The following TRAPPC3 variants were observed in gnomAD, a reference collection of about 807,000 sequenced individuals.
TRAPPC3 encodes trafficking protein particle complex 3.
A neutral mutation model predicts 18.2 loss-of-function variants in TRAPPC3; 5 were observed. The observed-to-expected ratio is 0.28, with a 90% CI of 0.14 to 0.58. The LOEUF (loss-of-function observed/expected upper bound fraction) is 0.58, where lower values mean the gene tolerates loss of function less well. Ranked by LOEUF, TRAPPC3 falls within the 20% of genes least tolerant of loss-of-function variation. The probability of loss-of-function intolerance (pLI) is 0.91; values close to 1 mark genes in which losing one functional copy is unlikely to be tolerated. For missense variants in TRAPPC3, 176 were observed against 225.9 expected (o/e 0.78, Z 1.41); for synonymous variants, 65 against 84.2 (o/e 0.77, Z 1.25).
At chr1:36,149,177 A>T in intron 1 of TRAPPC3, 160 bp downstream of exon 1, 1 of 1,484,328 alleles carries the variant, frequency 6.7e-7, no homozygotes, top group Non-Finnish European at 9.0e-7. Context: ...CGGTCCCCTC[A>T]CCTGCCTGGA....
At chr1:36,152,286 TTTC>T (rs1376958961), upstream of TRAPPC3, among the ~76,000 whole-genome samples, 1 of 143,670 alleles carries the variant, frequency 7.0e-6, no homozygotes, top group Non-Finnish European at 1.5e-5. Context: ...TGGAAACATA[TTTC>T]TTTTTCTTTT....
chr1:36,144,857 A>T (rs925169755), intron 1 of TRAPPC3, among the ~76,000 whole-genome samples: 9 of 152,340 alleles, frequency 5.9e-5, no homozygotes, highest in African/African-American at 2.2e-4. Flanking sequence ...CAGGATTTAT[A>T]GCAGCTATGC....
In TRAPPC3 at chr1:36,149,107, C is replaced by T. The variant is rs60587914; in HGVS notation, c.42+230G>A. On this transcript the variant is annotated intron_variant, in intron 1 of 4. Coordinates refer to ENST00000373166, the MANE Select transcript of TRAPPC3 (RefSeq NM_014408.5). ...TATTTATTACCGTCGTTGTTGTTGG[C>T]TTAGCACAGAGCTGCACTCAGGCCT... 36,748 of 1,426,376 alleles carry T rather than the reference C, an allele frequency of 0.026. 3,437 individuals are homozygous for T. The East Asian group carries it at 0.31, about 12-fold the overall frequency. 88.4% of individuals were successfully genotyped at this position (1,426,376 alleles called of 1,614,324 possible).
At chr1:36,149,177 A>C (rs1570105529) in intron 1 of TRAPPC3, 160 bp downstream of exon 1, 1 of 1,484,328 alleles carries the variant, frequency 6.7e-7, no homozygotes, top group Non-Finnish European at 9.0e-7. Flanking sequence ...CGGTCCCCTC[A>C]CCTGCCTGGA....
At position 36,138,013 on chromosome 1, in the gene TRAPPC3, A is replaced by G. The variant is rs998864245; in HGVS notation, c.241-35T>C. On this transcript the variant is annotated intron_variant, in intron 3 of 4. Coordinates refer to ENST00000373166, the MANE Select transcript of TRAPPC3 (RefSeq NM_014408.5). ...GACACACAACAGCACTTTGGGGAAG[A>G]GCAGCAGGAACTGTACCACAGGGAA... The G allele has an allele frequency of 1.9e-6, 3 of 1,611,058 alleles. No homozygotes were observed. In the African/African-American group the frequency reaches 4.0e-5, roughly 22 times the overall value.
At chr1:36,144,074 G>A (rs561586295) in intron 1 of TRAPPC3, among the ~76,000 whole-genome samples, 2 of 151,650 alleles carry the variant, frequency 1.3e-5, no homozygotes, top group Admixed American at 1.3e-4. Context: ...GATCACCTGA[G>A]GTCAGGAGTT....
At chr1:36,149,568 A>C, upstream of TRAPPC3, 1 of 659,374 alleles carries the variant, frequency 1.5e-6, no homozygotes, top group Non-Finnish European at 2.7e-6. Flanking sequence ...CGCCCAACAA[A>C]CGTCAGACTA....
chr1:36,154,950 C>T (rs890008292), intron 1 of TRAPPC3, among the ~76,000 whole-genome samples: 1 of 152,158 alleles, frequency 6.6e-6, no homozygotes, highest in East Asian at 1.9e-4. Context: ...GATACGCACA[C>T]ATCCCAGGAC....
upstream of TRAPPC3, among the ~76,000 whole-genome samples, chr1:36,152,011 C>G (rs1175792441): frequency 6.6e-6 from 1 of 151,608 alleles, no homozygotes; most frequent in African/African-American, 2.4e-5. Context: ...TCCCTTGAGG[C>G]TGGGGCAGTG....
chr1:36,139,599 A>G, intron 3 of TRAPPC3, 121 bp downstream of exon 3: 1 of 1,374,536 alleles, frequency 7.3e-7, no homozygotes, highest in Non-Finnish European at 9.8e-7. Flanking sequence ...TTTTGACCCA[A>G]AGAGCTGCCT....
In TRAPPC3 at chr1:36,137,062, T is replaced by C; in HGVS notation, c.*141A>G. ...GACTATATCGCAGTCTGCTCTTTATTTGAATGGAGAATGGAAACAGGTTAT... is the reference window on the plus strand; with the variant it reads ...GACTATATCGCAGTCTGCTCTTTATCTGAATGGAGAATGGAAACAGGTTAT... On this transcript the variant is annotated 3_prime_UTR_variant, in exon 5 of 5. Transcript: ENST00000373166. The C allele has an allele frequency of 1.9e-6, 2 of 1,040,640 alleles. No individual in the cohort carries two copies. The highest frequency in any genetic ancestry group is 2.8e-6 in the Non-Finnish European group (2 of 719,698). The allele number at this position is 1,040,640 out of a possible 1,614,324, so 64.5% of individuals were successfully genotyped here. A position where few individuals can be genotyped will look rare whatever the true frequency, so the allele number is the denominator to read the frequency against.
At chr1:36,154,988 T>C (rs1269932199) in intron 1 of TRAPPC3, among the ~76,000 whole-genome samples, 1 of 151,998 alleles carries the variant, frequency 6.6e-6, no homozygotes, top group Non-Finnish European at 1.5e-5. Context: ...CCTGAGCCCC[T>C]GACCCTTTTG....
intron 2 of TRAPPC3, 81 bp downstream of exon 2, chr1:36,139,988 G>T: frequency 1.4e-6 from 2 of 1,463,622 alleles, no homozygotes; most frequent in Non-Finnish European, 1.8e-6. Flanking sequence ...AGAGAACCCT[G>T]TTTTAAGCTC....
intron 1 of TRAPPC3, among the ~76,000 whole-genome samples, chr1:36,141,348 G>A (rs1436386952): frequency 1.3e-5 from 2 of 152,052 alleles, no homozygotes; most frequent in Non-Finnish European, 2.9e-5. Flanking sequence ...GAAAAATCAG[G>A]ATAACCACCC....
upstream of TRAPPC3, among the ~76,000 whole-genome samples, chr1:36,150,962 C>T (rs1644266083): frequency 6.6e-6 from 1 of 152,168 alleles, no homozygotes; most frequent in Non-Finnish European, 1.5e-5. Context: ...CTTGGCTGCC[C>T]ACAGAAACCT....
chr1:36,145,337 G>A (rs919491666), intron 1 of TRAPPC3, among the ~76,000 whole-genome samples: 2 of 152,004 alleles, frequency 1.3e-5, no homozygotes, highest in African/African-American at 4.8e-5. Context: ...CCAGGAGGCT[G>A]ATCTTTAGAG....
upstream of TRAPPC3, among the ~76,000 whole-genome samples, chr1:36,152,312 G>A (rs376513386): frequency 1.0e-4 from 6 of 57,724 alleles, no homozygotes; most frequent in Non-Finnish European, 2.0e-4. Context: ...TTTTTTTTTT[G>A]TCCTCCTTTT....
intron 3 of TRAPPC3, chr1:36,138,337 C>CCCTA: frequency 7.6e-7 from 1 of 1,318,940 alleles, no homozygotes; most frequent in Non-Finnish European, 1.0e-6. Context: ...AGTGCAGAGG[C>CCCTA]CCTAACCCAC....
At position 36,139,156 on chromosome 1, in the gene TRAPPC3, A is replaced by T. The variant is rs11801960; in HGVS notation, c.240+564T>A. ...ACTGGAGCCAGGTTTGTGAGTCTGTATTTTTTTTTTTTTTTTTTTTGAGAT... is the reference window on the plus strand; with the variant it reads ...ACTGGAGCCAGGTTTGTGAGTCTGTTTTTTTTTTTTTTTTTTTTTTGAGAT... On this transcript the variant is annotated intron_variant, in intron 3 of 4. Coordinates refer to ENST00000373166, the MANE Select transcript of TRAPPC3 (RefSeq NM_014408.5). Among the ~76,000 whole-genome samples, 205 of 115,458 alleles carry T rather than the reference A, an allele frequency of 1.8e-3. 2 individuals carry two copies. Among genetic ancestry groups the T allele is most frequent in the African/African-American group, 7.8e-3 (196 of 24,972 alleles). The allele number at this position is 115,458 out of a possible 152,430, so 75.7% of individuals were successfully genotyped here.
Sources: allele counts gnomAD v4.1 joint callset (sites outside exome capture counted in the v4.1 genomes callset), GRCh38; gene constraint gnomAD v4.1.1; transcripts MANE v1.5; gene names NCBI Gene and HGNC (gene_info 2026-07-23, HGNC 2026-07-21).